Variants in RPRD1A observed in about 807,000 individuals in gnomAD.
RPRD1A encodes the protein regulation of nuclear pre-mRNA domain-containing protein 1A.
Under a neutral mutation model 37.8 loss-of-function variants are expected in RPRD1A, and 9 were observed. The observed-to-expected ratio is 0.24, with a 90% CI of 0.14 to 0.42. The LOEUF (loss-of-function observed/expected upper bound fraction) is 0.42. Among genes scored for constraint, RPRD1A ranks in the 10% least tolerant of loss-of-function variants. The pLI is 1.00. For synonymous variants in RPRD1A, 138 were observed against 139.7 expected (o/e 0.99, Z 0.08); for missense variants, 255 against 371.0 (o/e 0.69, Z 2.57).
intron 6 of RPRD1A, among the ~76,000 whole-genome samples, chr18:36,011,432 T>C (rs1298365434): frequency 2.0e-5 from 3 of 152,158 alleles, no homozygotes; most frequent in Non-Finnish European, 2.9e-5. Context: ...ATCTTCAACA[T>C]GTAAAAATAT....
At chr18:36,059,997 CTACT>C (rs1207194045) in intron 1 of RPRD1A, among the ~76,000 whole-genome samples, 2 of 152,112 alleles carry the variant, frequency 1.3e-5, no homozygotes, top group African/African-American at 2.4e-5. Flanking sequence ...CTAGCATTGT[CTACT>C]TACTTTTTCA....
chr18:36,049,553 A>G (rs1343650384), intron 1 of RPRD1A, among the ~76,000 whole-genome samples: 1 of 152,230 alleles, frequency 6.6e-6, no homozygotes, highest in South Asian at 2.1e-4. Flanking sequence ...TCATATAAGT[A>G]GAATCATACA....
chr18:36,038,288 A>G (rs1788675395), intron 1 of RPRD1A, among the ~76,000 whole-genome samples: 2 of 152,192 alleles, frequency 1.3e-5, no homozygotes, highest in East Asian at 1.9e-4. Flanking sequence ...GCTTTGTGCA[A>G]TCTCAGGATT....
chr18:36,017,655 T>C (rs956206994), intron 6 of RPRD1A, among the ~76,000 whole-genome samples: 1 of 152,246 alleles, frequency 6.6e-6, no homozygotes, highest in African/African-American at 2.4e-5. Context: ...ACTGCCTATA[T>C]GCATCATTGT....
rs1049234935 is a variant in RPRD1A, at chr18:36,027,325, A to C, written c.487-15T>G. The C allele has an allele frequency of 2.5e-6, 4 of 1,612,912 alleles. No individual in the cohort carries two copies. The highest frequency in any genetic ancestry group is 1.7e-4 in the Middle Eastern group (1 of 5,908). On this transcript the variant is annotated splice_polypyrimidine_tract_variant and intron_variant, in intron 4 of 6. Coordinates refer to ENST00000399022, the MANE Select transcript of RPRD1A (RefSeq NM_018170.5). Reference sequence around the variant, plus strand: ...AGATCTAGAGTCTAAAAAGTACACAACTTCAGAACCAAAATAAATTGAGCT... The same window carrying C: ...AGATCTAGAGTCTAAAAAGTACACACCTTCAGAACCAAAATAAATTGAGCT...
intron 6 of RPRD1A, among the ~76,000 whole-genome samples, chr18:35,996,977 C>CAAAA (rs200694089): frequency 1.3e-4 from 7 of 55,612 alleles, no homozygotes; most frequent in African/African-American, 3.0e-4. Context: ...GACCCTGTCT[C>CAAAA]AAAAAAAAAA....
Position 36,033,718 on chromosome 18 carries a change from G to A in RPRD1A, c.271C>T (p.His91Tyr). 2 of 1,610,588 alleles carry A rather than the reference G, an allele frequency of 1.2e-6. No homozygotes were observed. The highest frequency in any genetic ancestry group is 8.5e-7 in the Non-Finnish European group (1 of 1,178,184). Reference sequence around the variant, plus strand: ...AAACTATGATCATACCTTGAAACATGCTTAAAAGCCTCCACTATAACTGGT... The same window carrying A: ...AAACTATGATCATACCTTGAAACATACTTAAAAGCCTCCACTATAACTGGT... The part of the protein sequence containing the change: ...FAPVIVEAFK[H>Y]VSSETDESCK... The change falls in exon 2 of 7, where the codon CAT becomes TAT. Residue 91 changes from histidine to tyrosine, a missense_variant. This residue lies in a region of RPRD1A where 211 missense variants were observed against 268.9 expected (regional missense o/e 0.78). Coordinates refer to ENST00000399022, the MANE Select transcript of RPRD1A (RefSeq NM_018170.5).
chr18:36,040,840 A>T (rs761113879), intron 1 of RPRD1A: 1 of 1,524,258 alleles, frequency 6.6e-7, no homozygotes, highest in Non-Finnish European at 8.8e-7. Context: ...CTCCAATTGG[A>T]ATTTCTCATT....
At chr18:36,047,299 A>C (rs1245847439) in intron 1 of RPRD1A, among the ~76,000 whole-genome samples, 1 of 152,272 alleles carries the variant, frequency 6.6e-6, no homozygotes, top group East Asian at 1.9e-4. Flanking sequence ...AATACAACAT[A>C]ACAAAAATCT....
chr18:35,999,574 T>G (rs1909293019), intron 6 of RPRD1A, among the ~76,000 whole-genome samples: 1 of 152,194 alleles, frequency 6.6e-6, no homozygotes, highest in Non-Finnish European at 1.5e-5. Context: ...AATTAAAATA[T>G]TTACATGGCT....
At chr18:36,039,488 C>T (rs1226464086) in intron 1 of RPRD1A, among the ~76,000 whole-genome samples, 4 of 152,134 alleles carry the variant, frequency 2.6e-5, no homozygotes, top group African/African-American at 9.7e-5. Flanking sequence ...AGAGTCCAGA[C>T]TATTAAACAA....
intron 6 of RPRD1A, among the ~76,000 whole-genome samples, chr18:36,010,136 T>C (rs1910087210): frequency 6.6e-6 from 1 of 152,124 alleles, no homozygotes; most frequent in South Asian, 2.1e-4. Context: ...TTCTTTATTA[T>C]ATTCTAACAT....
At chr18:36,004,123 A>T (rs1475139843) in intron 6 of RPRD1A, among the ~76,000 whole-genome samples, 2 of 145,206 alleles carry the variant, frequency 1.4e-5, no homozygotes, top group Admixed American at 1.4e-4. Context: ...GAGCCACTGC[A>T]CCCAGACAAA....
Position 36,048,063 on chromosome 18 carries a change from CTT to C in RPRD1A, c.152-14228_152-14227del, listed in dbSNP as rs1156933838. Among the ~76,000 whole-genome samples, 690 of 114,440 alleles carry C rather than the reference CTT, an allele frequency of 6.0e-3. 4 individuals carry two copies. Among genetic ancestry groups the C allele is most frequent in the African/African-American group, 8.4e-3 (237 of 28,240 alleles). The allele number at this position is 114,440 out of a possible 152,430, so 75.1% of individuals were successfully genotyped here. Reference sequence around the variant, plus strand: ...TTCATTAATACAGATGTACCCATTCCTTTTTTTTTTTTTTTTTTTTTTGAGAC... The same window carrying C: ...TTCATTAATACAGATGTACCCATTCCTTTTTTTTTTTTTTTTTTTTGAGAC... On this transcript the variant is annotated intron_variant, in intron 1 of 6. Coordinates refer to ENST00000399022, the MANE Select transcript of RPRD1A (RefSeq NM_018170.5).
intron 6 of RPRD1A, among the ~76,000 whole-genome samples, chr18:36,004,241 T>C (rs1568115099): frequency 2.6e-5 from 4 of 152,018 alleles, no homozygotes; most frequent in Admixed American, 6.6e-5. Context: ...AATGGCACAC[T>C]GACAGACTTC....
At position 35,999,651 on chromosome 18, in the gene RPRD1A, A is replaced by G. The variant is rs113401055; in HGVS notation, c.790-6351T>C. 6.2e-3 allele frequency among the ~76,000 whole-genome samples: 949 copies of G among 152,072 alleles called. 13 individuals carry two copies. The highest frequency in any genetic ancestry group is 0.022 in the African/African-American group (900 of 41,364). ...TCCTACATAATTGTGACAAAAAAAA[A>G]AGAGAGAATTTCAACCACATCCATA... On this transcript the variant is annotated intron_variant, in intron 6 of 6. Transcript: ENST00000399022.
chr18:36,063,838 G>A (rs1205097906), intron 1 of RPRD1A, among the ~76,000 whole-genome samples: 3 of 152,164 alleles, frequency 2.0e-5, no homozygotes, highest in Non-Finnish European at 4.4e-5. Flanking sequence ...AGTAGCCCAG[G>A]CTAATATGAG....
At chr18:36,028,966 A>G (rs1163919911) in intron 4 of RPRD1A, among the ~76,000 whole-genome samples, 2 of 152,384 alleles carry the variant, frequency 1.3e-5, no homozygotes, top group Non-Finnish European at 2.9e-5. Context: ...TCCTTTATCT[A>G]GAACTTAGGT....
intron 6 of RPRD1A, among the ~76,000 whole-genome samples, chr18:36,015,562 T>G (rs1910496894): frequency 6.6e-6 from 1 of 152,086 alleles, no homozygotes; most frequent in African/African-American, 2.4e-5. Context: ...AGCCAAGAGG[T>G]GGAAGCAACC....
Sources: gnomAD v4.1 joint callset for allele counts (sites outside exome capture counted in the v4.1 genomes callset) on GRCh38, gnomAD v4.1.1 for gene constraint, gnomAD v4.1.1 regional missense constraint, MANE v1.5 for transcripts, NCBI Gene and HGNC (gene_info 2026-07-23, HGNC 2026-07-21) for gene names.